RYR2: variants seen among roughly 807,000 people sequenced by gnomAD.
RYR2 encodes cardiac muscle ryanodine receptor-calcium release channel.
RYR2 carries 227 observed loss-of-function variants against 601.1 expected under a neutral mutation model. That is an observed-to-expected ratio of 0.38 (90% confidence interval 0.34 to 0.42). RYR2 has a LOEUF of 0.42. RYR2 is among the 10% of genes least tolerant of loss of function. The pLI, the probability that RYR2 is intolerant of heterozygous loss-of-function variation, is 1.00. For missense variants in RYR2, 4,646 were observed against 6,156.5 expected (o/e 0.75, Z 8.21); for synonymous variants, 2,223 against 2,175.1 (o/e 1.02, Z -0.61).
chr1:237,469,057 T>G, intron 16 of RYR2, 35 bp from the exon 17 acceptor site: 2 of 1,570,760 alleles, frequency 1.3e-6, no homozygotes, highest in Non-Finnish European at 1.8e-6. Flanking sequence ...AGCTAGAAAA[T>G]CACATAAAGG....
chr1:237,387,257 G>C (rs761520481), intron 8 of RYR2, 24 bp from the exon 9 acceptor site: 1 of 1,607,134 alleles, frequency 6.2e-7, no homozygotes, highest in Non-Finnish European at 8.5e-7. Context: ...CTGAAGTGAT[G>C]CCTCCTTTTG....
chr1:237,262,127 CA>C (rs1688584101), intron 1 of RYR2, among the ~76,000 whole-genome samples: 1 of 151,790 alleles, frequency 6.6e-6, no homozygotes, highest in Admixed American at 6.6e-5. Flanking sequence ...ACTGTTCCAG[CA>C]GACTTGGCAA....
intron 10 of RYR2, among the ~76,000 whole-genome samples, chr1:237,413,965 C>T (rs771745283): frequency 6.6e-6 from 1 of 152,054 alleles, no homozygotes; most frequent in African/African-American, 2.4e-5. Context: ...CCCTCTTTGA[C>T]CCATGAATTA....
At chr1:237,075,183 C>CT (rs200012761) in intron 1 of RYR2, among the ~76,000 whole-genome samples, 29 of 151,092 alleles carry the variant, frequency 1.9e-4, no homozygotes, top group Admixed American at 7.3e-4. Context: ...GATTTTCTGC[C>CT]TTTTTTTTTG....
intron 26 of RYR2, among the ~76,000 whole-genome samples, chr1:237,549,628 CTTTTTTT>C (rs57579159): frequency 5.3e-4 from 41 of 77,736 alleles, no homozygotes; most frequent in African/African-American, 1.8e-3. Flanking sequence ...CCATAGCTTT[CTTTTTTT>C]TTTTTTTTTT....
chr1:237,399,816 T>A (rs932034305), intron 10 of RYR2, among the ~76,000 whole-genome samples: 4 of 151,724 alleles, frequency 2.6e-5, no homozygotes, highest in Non-Finnish European at 5.9e-5. Context: ...GGGGGAACAA[T>A]GGGTATAGGT....
chr1:237,289,001 T>C (rs1691899806), intron 2 of RYR2, among the ~76,000 whole-genome samples: 1 of 152,148 alleles, frequency 6.6e-6, no homozygotes, highest in Admixed American at 6.5e-5. Flanking sequence ...TTACCCCCTG[T>C]ATGTTGCTCA....
intron 24 of RYR2, among the ~76,000 whole-genome samples, chr1:237,521,111 G>C (rs1266245967): frequency 6.6e-6 from 1 of 152,080 alleles, no homozygotes; most frequent in Non-Finnish European, 1.5e-5. Context: ...ATTTACAGAT[G>C]AATTATACCT....
At chr1:237,428,657 G>A (rs565271212) in intron 12 of RYR2, among the ~76,000 whole-genome samples, 8 of 151,450 alleles carry the variant, frequency 5.3e-5, no homozygotes, top group East Asian at 2.0e-4. Flanking sequence ...CATGTGGGGC[G>A]TAAAACCTAG....
At chr1:237,492,412 A>G (rs528166145) in intron 18 of RYR2, among the ~76,000 whole-genome samples, 2 of 152,206 alleles carry the variant, frequency 1.3e-5, no homozygotes, top group Non-Finnish European at 2.9e-5. Context: ...TTCTCAATTT[A>G]TATATGAAGA....
chr1:237,392,771 T>G (rs1202501254), intron 10 of RYR2, among the ~76,000 whole-genome samples: 1 of 152,216 alleles, frequency 6.6e-6, no homozygotes, highest in Non-Finnish European at 1.5e-5. Flanking sequence ...ATTTGGGGCC[T>G]TTAGTTTGGA....
At chr1:237,778,568 T>C (rs1694848126) in intron 87 of RYR2, 98 bp from the exon 88 acceptor site, 1 of 551,266 alleles carries the variant, frequency 1.8e-6, no homozygotes, top group Non-Finnish European at 3.3e-6. Flanking sequence ...AGCAGTGAAA[T>C]ATATCAGCAC....
intron 1 of RYR2, among the ~76,000 whole-genome samples, chr1:237,248,286 C>G (rs1242434235): frequency 1.2e-5 from 1 of 81,492 alleles, no homozygotes; most frequent in Non-Finnish European, 2.4e-5. Context: ...AACCCCGCCC[C>G]CCCCCCCCCC....
chr1:237,467,171 A>G (rs1397749413), intron 16 of RYR2, among the ~76,000 whole-genome samples: 1 of 148,080 alleles, frequency 6.8e-6, no homozygotes, highest in African/African-American at 2.4e-5. Context: ...ATAATATGAT[A>G]ATGATATATA....
chr1:237,242,307 G>T (rs1007898645), intron 1 of RYR2, among the ~76,000 whole-genome samples: 2 of 151,544 alleles, frequency 1.3e-5, no homozygotes, highest in Non-Finnish European at 2.9e-5. Context: ...AAATCATCTA[G>T]TATACCTTCT....
intron 6 of RYR2, among the ~76,000 whole-genome samples, chr1:237,373,818 A>G (rs1331771066): frequency 1.3e-5 from 2 of 152,232 alleles, no homozygotes; most frequent in Non-Finnish European, 2.9e-5. Flanking sequence ...CACCAAAATA[A>G]ATTCTAGGTG....
At chr1:237,491,302 A>C (rs796819180) in intron 17 of RYR2, among the ~76,000 whole-genome samples, 2 of 152,184 alleles carry the variant, frequency 1.3e-5, no homozygotes, top group Non-Finnish European at 2.9e-5. Flanking sequence ...CATGATCTCC[A>C]TGGATTGGGA....
chr1:237,675,111 A>G (rs1338527618), intron 60 of RYR2, among the ~76,000 whole-genome samples: 3 of 152,250 alleles, frequency 2.0e-5, no homozygotes, highest in Admixed American at 6.5e-5. Flanking sequence ...ATTTTGAAAG[A>G]TACATTGGAA....
At chr1:237,492,791 T>C (rs1663508733) in intron 18 of RYR2, among the ~76,000 whole-genome samples, 163 bp from the exon 19 acceptor site, 1 of 144,502 alleles carries the variant, frequency 6.9e-6, no homozygotes, top group African/African-American at 2.6e-5. Context: ...ATCACTGCAC[T>C]TCAGCCTGGG....
Sources: gnomAD v4.1 joint callset for allele counts (sites outside exome capture counted in the v4.1 genomes callset) on GRCh38, gnomAD v4.1.1 for gene constraint, MANE v1.5 for transcripts, NCBI Gene and HGNC (gene_info 2026-07-23, HGNC 2026-07-21) for gene names.